The following DPP10 variants were observed in gnomAD, a reference collection of about 807,000 sequenced individuals.
The protein encoded by DPP10 is inactive dipeptidyl peptidase 10.
A neutral mutation model predicts 120.9 loss-of-function variants in DPP10; 33 were observed. That is an observed-to-expected ratio of 0.27 (90% CI 0.21 to 0.37). The LOEUF (loss-of-function observed/expected upper bound fraction) is 0.37. Among genes scored for constraint, DPP10 ranks in the 10% least tolerant of loss-of-function variants. DPP10 has a pLI of 1.00. For missense variants in DPP10, 816 were observed against 942.8 expected (o/e 0.87, Z 1.76); for synonymous variants, 337 against 326.1 (o/e 1.03, Z -0.36).
At chr2:114,509,577 G>C (rs1683964297) in intron 1 of DPP10, among the ~76,000 whole-genome samples, 1 of 152,192 alleles carries the variant, frequency 6.6e-6, no homozygotes, top group Non-Finnish European at 1.5e-5. Flanking sequence ...TGACATGAAG[G>C]AGACAGCGTA....
At chr2:114,922,307 A>T (rs2106636561) in intron 1 of DPP10, among the ~76,000 whole-genome samples, 1 of 152,182 alleles carries the variant, frequency 6.6e-6, no homozygotes, top group African/African-American at 2.4e-5. Flanking sequence ...CCTATTCTAG[A>T]CATCTTATTT....
chr2:115,341,899 A>C (rs1379821125), intron 2 of DPP10, among the ~76,000 whole-genome samples: 1 of 152,182 alleles, frequency 6.6e-6, no homozygotes, highest in Non-Finnish European at 1.5e-5. Context: ...AAGCTGCTAT[A>C]AATGTTTGTG....
intron 1 of DPP10, among the ~76,000 whole-genome samples, chr2:115,079,795 C>T (rs995123986): frequency 1.4e-4 from 21 of 152,158 alleles, no homozygotes; most frequent in Non-Finnish European, 2.6e-4. Flanking sequence ...GCTTGATGAA[C>T]AGATAGAGAA....
chr2:115,429,009 G>A (rs528681810), intron 3 of DPP10, among the ~76,000 whole-genome samples: 12 of 151,892 alleles, frequency 7.9e-5, no homozygotes, highest in African/African-American at 1.9e-4. Flanking sequence ...ATCAGGTAGC[G>A]ACATAAGAAA....
intron 1 of DPP10, among the ~76,000 whole-genome samples, chr2:115,020,005 G>T (rs1422764881): frequency 6.6e-6 from 1 of 152,096 alleles, no homozygotes. Flanking sequence ...TACAAGAACT[G>T]CCAAAAGGAG....
intron 1 of DPP10, among the ~76,000 whole-genome samples, chr2:114,843,249 C>G (rs781467608): frequency 6.6e-6 from 1 of 152,034 alleles, no homozygotes; most frequent in Admixed American, 6.6e-5. Context: ...ACAAAATCTC[C>G]CTGGAGGAAC....
chr2:115,192,120 G>A (rs1342514791), intron 1 of DPP10, among the ~76,000 whole-genome samples: 1 of 152,154 alleles, frequency 6.6e-6, no homozygotes, highest in East Asian at 1.9e-4. Flanking sequence ...TTTCTTAATG[G>A]CACGTGCAGT....
chr2:115,464,005 C>T (rs1351859786), intron 3 of DPP10, among the ~76,000 whole-genome samples: 13 of 152,086 alleles, frequency 8.5e-5, no homozygotes, highest in Non-Finnish European at 1.9e-4. Context: ...ACTGGTGGTC[C>T]TCTCTTGCCT....
chr2:114,678,273 G>A (rs1698798666), intron 1 of DPP10, among the ~76,000 whole-genome samples: 1 of 152,016 alleles, frequency 6.6e-6, no homozygotes, highest in African/African-American at 2.4e-5. Flanking sequence ...GCTATTTCTG[G>A]ATTAGGTGAG....
intron 2 of DPP10, among the ~76,000 whole-genome samples, chr2:115,312,693 C>T (rs536378617): frequency 9.3e-4 from 141 of 152,190 alleles, no homozygotes; most frequent in African/African-American, 3.3e-3. Context: ...TAAAACAGAG[C>T]CATAAAGAAA....
chr2:114,605,070 A>C (rs1274137579), intron 1 of DPP10, among the ~76,000 whole-genome samples: 1 of 152,108 alleles, frequency 6.6e-6, no homozygotes, highest in Non-Finnish European at 1.5e-5. Flanking sequence ...CAGTCCAAAT[A>C]CAGAAAGGCC....
At chr2:115,790,831 G>A (rs1038165796) in intron 17 of DPP10, among the ~76,000 whole-genome samples, 1 of 152,090 alleles carries the variant, frequency 6.6e-6, no homozygotes, top group South Asian at 2.1e-4. Flanking sequence ...TCTTAAGCAG[G>A]TTAACAATAT....
At chr2:115,385,571 G>C (rs1242416782) in intron 3 of DPP10, among the ~76,000 whole-genome samples, 1 of 151,992 alleles carries the variant, frequency 6.6e-6, no homozygotes, top group Non-Finnish European at 1.5e-5. Flanking sequence ...TGGCCAGGCT[G>C]TTCTTGAACT....
intron 2 of DPP10, among the ~76,000 whole-genome samples, chr2:115,330,639 A>G (rs2062668826): frequency 6.6e-6 from 1 of 152,058 alleles, no homozygotes; most frequent in Non-Finnish European, 1.5e-5. Flanking sequence ...ATCCAGTTTC[A>G]GCTTTCTACA....
At chr2:115,350,530 T>C (rs773157030) in intron 3 of DPP10, among the ~76,000 whole-genome samples, 10 of 152,140 alleles carry the variant, frequency 6.6e-5, no homozygotes, top group Non-Finnish European at 1.2e-4. Flanking sequence ...TTATGGTAGA[T>C]GCATTCAGCT....
intron 1 of DPP10, among the ~76,000 whole-genome samples, chr2:114,957,595 A>G (rs1339938706): frequency 1.3e-5 from 2 of 152,246 alleles, no homozygotes; most frequent in Non-Finnish European, 2.9e-5. Context: ...ACCTCTGGAT[A>G]TAGTTCCAAA....
chr2:114,922,043 A>G (rs1695234516), intron 1 of DPP10, among the ~76,000 whole-genome samples: 1 of 152,210 alleles, frequency 6.6e-6, no homozygotes, highest in African/African-American at 2.4e-5. Flanking sequence ...TATATGTTAA[A>G]TGCTATTTGA....
At chr2:115,494,034 C>T (rs1322533733) in intron 3 of DPP10, among the ~76,000 whole-genome samples, 3 of 151,976 alleles carry the variant, frequency 2.0e-5, no homozygotes, top group East Asian at 1.9e-4. Flanking sequence ...ATGCAACCTC[C>T]GCCTCCCAGG....
chr2:114,528,276 G>T (rs979457662), intron 1 of DPP10, among the ~76,000 whole-genome samples: 1 of 152,166 alleles, frequency 6.6e-6, no homozygotes, highest in African/African-American at 2.4e-5. Context: ...GACTATCATA[G>T]TCAATGGAAG....
Sources: allele counts gnomAD v4.1 joint callset (sites outside exome capture counted in the v4.1 genomes callset), GRCh38; gene constraint gnomAD v4.1.1; transcripts MANE v1.5; gene names NCBI Gene and HGNC (gene_info 2026-07-23, HGNC 2026-07-21).